ABHD5: variants seen among roughly 807,000 people sequenced by gnomAD.
ABHD5 encodes abhydrolase domain containing 5, lysophosphatidic acid acyltransferase, also known as 1-acylglycerol-3-phosphate O-acyltransferase ABHD5.
A neutral mutation model predicts 44.9 loss-of-function variants in ABHD5; 30 were observed. That is an observed-to-expected ratio of 0.67 (90% CI 0.50 to 0.91). The LOEUF (loss-of-function observed/expected upper bound fraction) is 0.91. ABHD5 is among the 40% of genes least tolerant of loss of function. ABHD5 has a pLI of 0.00. For synonymous variants in ABHD5, 167 were observed against 147.0 expected, an observed-to-expected ratio of 1.14 and a Z score of -0.99; for missense variants, 399 against 423.4, an observed-to-expected ratio of 0.94 and a Z score of 0.50.
At chr3:43,707,157 C>G (rs1165659715) in intron 3 of ABHD5, among the ~76,000 whole-genome samples, 1 of 151,802 alleles carries the variant, frequency 6.6e-6, no homozygotes, top group Non-Finnish European at 1.5e-5. Flanking sequence ...TGCTCAGTAC[C>G]CCATTAAAAA....
At chr3:43,692,533 C>T (rs1695796933) in intron 1 of ABHD5, among the ~76,000 whole-genome samples, 1 of 152,144 alleles carries the variant, frequency 6.6e-6, no homozygotes, top group South Asian at 2.1e-4. Flanking sequence ...TTAAAAAATC[C>T]TTAGCAGCTG....
At chr3:43,728,244 G>C (rs1457186804) in intron 7 of ABHD5, among the ~76,000 whole-genome samples, 1 of 152,128 alleles carries the variant, frequency 6.6e-6, no homozygotes, top group African/African-American at 2.4e-5. Flanking sequence ...AAGCAACATG[G>C]CAAAATTCTT....
At chr3:43,704,196 C>T (rs2084586732) in intron 3 of ABHD5, among the ~76,000 whole-genome samples, 1 of 151,952 alleles carries the variant, frequency 6.6e-6, no homozygotes, top group African/African-American at 2.4e-5. Flanking sequence ...CCCGCCACCA[C>T]ACTGGCTAAT....
At chr3:43,708,381 A>G (rs535010549) in intron 3 of ABHD5, among the ~76,000 whole-genome samples, 3 of 152,344 alleles carry the variant, frequency 2.0e-5, no homozygotes, top group African/African-American at 7.2e-5. Context: ...ATTTAGATGT[A>G]CATTAAAACC....
chr3:43,694,029 C>T (rs1023039346), intron 1 of ABHD5, among the ~76,000 whole-genome samples: 1 of 144,994 alleles, frequency 6.9e-6, no homozygotes, highest in Admixed American at 6.9e-5. Context: ...TAGTTCTGGC[C>T]GGGCGCCGTG....
rs760227234 is a variant in ABHD5 at position 43,690,960 on chromosome 3, G to C, written c.-33G>C. ...CCCAGTCGGCCTGTCAGCCGGCTTC[G>C]AGATAAGTCCCGGCGCTTGCGCGGC... On this transcript the variant is annotated 5_prime_UTR_variant, in exon 1 of 7. Transcript: ENST00000644371. 2 of 1,556,082 alleles carry C rather than the reference G, an allele frequency of 1.3e-6. No individual in the cohort carries two copies. The highest frequency in any genetic ancestry group is 2.8e-5 in the African/African-American group (2 of 70,448).
At chr3:43,715,673 G>A (rs185222771) in intron 5 of ABHD5, among the ~76,000 whole-genome samples, 1 of 152,150 alleles carries the variant, frequency 6.6e-6, no homozygotes, top group Non-Finnish European at 1.5e-5. Context: ...AGAAAGTCTT[G>A]GTCTTGGGCA....
At position 43,699,267 on chromosome 3, in the gene ABHD5, G is replaced by T; in HGVS notation, c.48-9G>T. 6.2e-7 allele frequency: 1 copy of T among 1,612,492 alleles called. No homozygotes were observed. The highest frequency in any genetic ancestry group is 1.1e-5 in the South Asian group (1 of 91,060). ...TCACCTATTTGTTATTTTGTTTTTG[G>T]TGCTCTAGGTCAGGATGGCTAACTG... On this transcript the variant is annotated splice_polypyrimidine_tract_variant and intron_variant, in intron 1 of 6. Transcript: ENST00000644371.
In ABHD5 at chr3:43,722,387, T is replaced by C. The variant is rs1289232776; in HGVS notation, c.*3855T>C. On this transcript the variant is annotated 3_prime_UTR_variant, in exon 7 of 7. Transcript: ENST00000644371. ...AACGAAGAGACAAATGGAAAAAATA[T>C]GTATTTGCTTTTTTTGTAAAGCAAT... 6.6e-6 allele frequency: 1 copy of C among 152,218 alleles called. No homozygotes were observed. Among genetic ancestry groups the C allele is most frequent in the Non-Finnish European group, 1.5e-5 (1 of 68,040 alleles). The allele number at this position is 152,218 out of a possible 1,614,324, so 9.4% of individuals were successfully genotyped here. A position where few individuals can be genotyped will look rare whatever the true frequency, so the allele number is the denominator to read the frequency against.
intron 2 of ABHD5, 52 bp from the exon 3 acceptor site, chr3:43,702,163 C>T (rs2084548938): frequency 6.6e-7 from 1 of 1,510,518 alleles, no homozygotes; most frequent in Non-Finnish European, 9.0e-7. Context: ...GAATACTTCC[C>T]TTCTCAGAAG....
downstream of ABHD5, among the ~76,000 whole-genome samples, chr3:43,723,546 A>G (rs2084857783): frequency 6.6e-6 from 1 of 152,238 alleles, no homozygotes; most frequent in South Asian, 2.1e-4. Context: ...GTTGTGTTGC[A>G]ATAGCAACAA....
At chr3:43,700,740 A>ATTTTTTTTTTTTT (rs1361660825) in intron 2 of ABHD5, among the ~76,000 whole-genome samples, 21 of 151,214 alleles carry the variant, frequency 1.4e-4, no homozygotes, top group South Asian at 1.1e-3. Flanking sequence ...TACCCAGCTA[A>ATTTTTTTTTTTTT]TTTTTGTATT....
In ABHD5 at chr3:43,718,781, A is replaced by G; in HGVS notation, c.*249A>G. On this transcript the variant is annotated 3_prime_UTR_variant, in exon 7 of 7. Transcript: ENST00000644371. ...CTCTAAATATAATACCTTTAAATAA[A>G]AGGTTATTTGTCCCTCTGATGTACT... 1 of 435,878 alleles carries G rather than the reference A, an allele frequency of 2.3e-6. No individual in the cohort carries two copies. The highest frequency in any genetic ancestry group is 4.2e-6 in the Non-Finnish European group (1 of 240,482). 27.0% of individuals were successfully genotyped at this position (435,878 alleles called of 1,614,324 possible).
At chr3:43,708,057 T>A (rs909223020) in intron 3 of ABHD5, among the ~76,000 whole-genome samples, 1 of 152,260 alleles carries the variant, frequency 6.6e-6, no homozygotes, top group Non-Finnish European at 1.5e-5. Context: ...GGTACAGGTG[T>A]TGTCCACTGC....
At chr3:43,694,132 G>A (rs959921954) in intron 1 of ABHD5, among the ~76,000 whole-genome samples, 28 of 151,352 alleles carry the variant, frequency 1.8e-4, no homozygotes, top group Admixed American at 3.9e-4. Flanking sequence ...AGGTGGCGGC[G>A]CCTGTAGTCC....
downstream of ABHD5, among the ~76,000 whole-genome samples, chr3:43,724,001 G>A (rs1447102431): frequency 2.6e-5 from 4 of 152,098 alleles, no homozygotes; most frequent in Non-Finnish European, 1.5e-5. Flanking sequence ...GATTTACCTG[G>A]AATTACTCCA....
At position 43,702,458 on chromosome 3, in the gene ABHD5, A is replaced by T; in HGVS notation, c.377A>T (p.Glu126Val). The T allele has an allele frequency of 1.2e-6, 2 of 1,614,248 alleles. No individual in the cohort carries two copies. The highest frequency in any genetic ancestry group is 1.7e-6 in the Non-Finnish European group (2 of 1,180,048). The change falls in exon 3 of 7, where the codon GAA becomes GTA. Residue 126 changes from glutamate (E) to valine (V), a missense_variant. Physicochemically the swap from Glu to Val is moderately radical, Grantham distance 121 (BLOSUM62 -2). Transcript: ENST00000644371. ...SRPRFDSDAE[E>V]VENQFVESIE... ...CCCAGGTTTGACAGTGATGCAGAAG[A>T]AGTGGAGAATCAGTTTGTGGAATCC...
At chr3:43,702,793 G>T (rs1369244910) in intron 3 of ABHD5, among the ~76,000 whole-genome samples, 3 of 152,220 alleles carry the variant, frequency 2.0e-5, no homozygotes, top group African/African-American at 7.2e-5. Flanking sequence ...CATGTTAATA[G>T]GCTTGGGAAA....
In ABHD5 at chr3:43,721,082, T is replaced by G. The variant is rs1041571107; in HGVS notation, c.*2550T>G. ...TAAACAAAAATAGCCAGAAGATGCC[T>G]AGAAAAGAACAATGTGGAAGGAGGG... is the stretch of plus-strand genomic sequence containing the variant. On this transcript the variant is annotated 3_prime_UTR_variant, in exon 7 of 7. Transcript: ENST00000644371. The G allele has an allele frequency of 6.6e-6, 1 of 152,052 alleles. No individual in the cohort carries two copies. The highest frequency in any genetic ancestry group is 1.5e-5 in the Non-Finnish European group (1 of 67,984). The allele number at this position is 152,052 out of a possible 1,614,324, so 9.4% of individuals were successfully genotyped here.
Sources: allele counts gnomAD v4.1 joint callset (sites outside exome capture counted in the v4.1 genomes callset), GRCh38; gene constraint gnomAD v4.1.1; transcripts MANE v1.5; gene names NCBI Gene and HGNC (gene_info 2026-07-23, HGNC 2026-07-21).